Variants in VRK3 observed in about 807,000 individuals in gnomAD.
VRK3 encodes the protein serine/threonine-protein kinase VRK3.
VRK3 carries 50 observed loss-of-function variants against 60.4 expected under a neutral mutation model. The ratio of observed to expected loss-of-function variants is 0.83; its 90% CI spans 0.66 to 1.05. The LOEUF (loss-of-function observed/expected upper bound fraction) is 1.05. Among genes scored for constraint, VRK3 ranks in the 50% least tolerant of loss-of-function variants. VRK3 has a pLI of 0.00. For synonymous variants in VRK3, 246 were observed against 227.8 expected (o/e 1.08, Z -0.72); for missense variants, 549 against 585.3 (o/e 0.94, Z 0.64).
chr19:50,010,992 C>G (rs551303681), intron 3 of VRK3, among the ~76,000 whole-genome samples: 1 of 150,626 alleles, frequency 6.6e-6, no homozygotes, highest in African/African-American at 2.5e-5. Flanking sequence ...CTTTATTTAC[C>G]CACCACCAAG....
chr19:50,011,086 A>G (rs1657053547), intron 3 of VRK3, among the ~76,000 whole-genome samples: 2 of 152,144 alleles, frequency 1.3e-5, no homozygotes, highest in African/African-American at 2.4e-5. Context: ...TTTGAGAGGA[A>G]ATTTCCAATT....
At chr19:49,981,061 CAACCT>C in intron 12 of VRK3, 48 bp from the exon 13 acceptor site, 1 of 1,563,126 alleles carries the variant, frequency 6.4e-7, no homozygotes, top group Non-Finnish European at 8.8e-7. Flanking sequence ...GAAAGGAGAG[CAACCT>C]TTTAAAACAG....
intron 13 of VRK3, among the ~76,000 whole-genome samples, chr19:49,980,703 C>A (rs967802851): frequency 6.6e-6 from 1 of 151,522 alleles, no homozygotes; most frequent in African/African-American, 2.4e-5. Flanking sequence ...GATGTCAGAG[C>A]TAGACCCTGT....
At chr19:50,021,031 G>A (rs1319238056) in intron 1 of VRK3, among the ~76,000 whole-genome samples, 2 of 152,210 alleles carry the variant, frequency 1.3e-5, no homozygotes, top group African/African-American at 2.4e-5. Flanking sequence ...GGAGGGCCTC[G>A]CCCAGAGGGA....
chr19:50,004,859 G>A (rs991499201), intron 5 of VRK3, among the ~76,000 whole-genome samples: 3 of 151,912 alleles, frequency 2.0e-5, no homozygotes, highest in African/African-American at 7.3e-5. Flanking sequence ...GCAGTGAGCC[G>A]TGATTGCACA....
intron 10 of VRK3, among the ~76,000 whole-genome samples, chr19:49,991,523 ACACACACACACG>A (rs941389222): frequency 5.3e-5 from 8 of 151,760 alleles, no homozygotes; most frequent in African/African-American, 1.5e-4. Context: ...ATCTCTACAC[ACACACACACACG>A]CACACACACA....
rs143323026 is a variant in VRK3, at chr19:50,020,841, C to T, written c.-64-194G>A. Among the ~76,000 whole-genome samples, 956 of 152,334 alleles carry T rather than the reference C, an allele frequency of 6.3e-3. 7 individuals carry two copies. The highest frequency in any genetic ancestry group is 0.021 in the African/African-American group (870 of 41,572). On this transcript the variant is annotated intron_variant, in intron 1 of 14. Transcript: ENST00000316763. Reference sequence around the variant, plus strand: ...AGGGAAACAGCAGCAAAGGAAACAACACAGCCCCTGTCTTCAGGATGCGCA... The same window carrying T: ...AGGGAAACAGCAGCAAAGGAAACAATACAGCCCCTGTCTTCAGGATGCGCA...
intron 3 of VRK3, among the ~76,000 whole-genome samples, chr19:50,010,079 C>T (rs1421076624): frequency 4.0e-5 from 6 of 150,338 alleles, no homozygotes; most frequent in East Asian, 2.0e-4. Context: ...CACACATATA[C>T]ACACATACAA....
At chr19:49,985,064 T>TC (rs1410649175) in intron 12 of VRK3, among the ~76,000 whole-genome samples, 6 of 152,128 alleles carry the variant, frequency 3.9e-5, no homozygotes, top group African/African-American at 1.4e-4. Flanking sequence ...GAGTGAACCC[T>TC]CCCTCATGGA....
chr19:50,010,966 AAAG>A (rs1396145840), intron 3 of VRK3, among the ~76,000 whole-genome samples: 1 of 152,038 alleles, frequency 6.6e-6, no homozygotes, highest in Non-Finnish European at 1.5e-5. Context: ...GGGAATTCTC[AAAG>A]AAGACATTCC....
At chr19:50,002,912 G>C (rs550568621) in intron 5 of VRK3, among the ~76,000 whole-genome samples, 1 of 152,194 alleles carries the variant, frequency 6.6e-6, no homozygotes, top group South Asian at 2.1e-4. Context: ...AGGTCAGCTG[G>C]TCCTGAACTT....
At chr19:49,978,482 C>T (rs1432181369) in intron 14 of VRK3, 1 of 153,064 alleles carries the variant, frequency 6.5e-6, no homozygotes, top group Non-Finnish European at 1.5e-5. Context: ...ATACCTCCAT[C>T]CACAGACAGC....
At chr19:50,015,450 A>G (rs1041679795) in intron 3 of VRK3, among the ~76,000 whole-genome samples, 4 of 152,080 alleles carry the variant, frequency 2.6e-5, no homozygotes, top group African/African-American at 4.8e-5. Context: ...GTGGGATTAC[A>G]GGCATGCGCC....
chr19:49,987,111 A>G (rs1291853488), intron 12 of VRK3, among the ~76,000 whole-genome samples: 2 of 152,152 alleles, frequency 1.3e-5, no homozygotes, highest in African/African-American at 4.8e-5. Context: ...GCTGACCTCG[A>G]GATCCATCTG....
At chr19:50,019,813 CA>C (rs1318722824) in intron 2 of VRK3, among the ~76,000 whole-genome samples, 1 of 149,088 alleles carries the variant, frequency 6.7e-6, no homozygotes. Flanking sequence ...GCTGGGATTA[CA>C]GGTGTGGGCC....
chr19:50,018,707 C>T (rs530363669), intron 2 of VRK3, among the ~76,000 whole-genome samples: 1 of 152,278 alleles, frequency 6.6e-6, no homozygotes, highest in East Asian at 1.9e-4. Context: ...ACATCTCTTT[C>T]TCAAAGGCAC....
At chr19:50,006,530 C>G (rs2122401490) in intron 5 of VRK3, among the ~76,000 whole-genome samples, 1 of 151,844 alleles carries the variant, frequency 6.6e-6, no homozygotes, top group Non-Finnish European at 1.5e-5. Context: ...TGCCAGCCAC[C>G]ACACCCGGCT....
chr19:50,017,471 G>A (rs1487982316), intron 2 of VRK3, among the ~76,000 whole-genome samples: 1 of 150,736 alleles, frequency 6.6e-6, no homozygotes, highest in Non-Finnish European at 1.5e-5. Flanking sequence ...CTACTCGGGA[G>A]GCTGAGGCAG....
At chr19:49,995,355 G>T in intron 7 of VRK3, 80 bp from the exon 8 acceptor site, 2 of 1,284,398 alleles carry the variant, frequency 1.6e-6, no homozygotes, top group South Asian at 1.2e-5. Context: ...CAGAGAAGAA[G>T]CACAGAGTGC....
Sources: allele counts gnomAD v4.1 joint callset (sites outside exome capture counted in the v4.1 genomes callset), GRCh38; gene constraint gnomAD v4.1.1; transcripts MANE v1.5; gene names NCBI Gene and HGNC (gene_info 2026-07-23, HGNC 2026-07-21).